The following FASTKD2 variants were observed in gnomAD, a reference collection of about 807,000 sequenced individuals.
FASTKD2 encodes the protein FAST kinase domain-containing protein 2, mitochondrial.
A neutral mutation model predicts 63.6 loss-of-function variants in FASTKD2; 51 were observed. The ratio of observed to expected loss-of-function variants is 0.80; its 90% CI spans 0.64 to 1.01. The LOEUF (loss-of-function observed/expected upper bound fraction) is 1.01. FASTKD2 is among the 50% of genes least tolerant of loss of function. FASTKD2 has a pLI of 0.00. For missense variants in FASTKD2, 786 were observed against 831.1 expected, an observed-to-expected ratio of 0.95 and a Z score of 0.67; for synonymous variants, 284 against 293.4, an observed-to-expected ratio of 0.97 and a Z score of 0.33.
chr2:206,790,793 A>G (rs908612127), intron 11 of FASTKD2, 107 bp downstream of exon 11: 1 of 771,478 alleles, frequency 1.3e-6, no homozygotes, highest in South Asian at 1.4e-5. Flanking sequence ...AGGAATTGTC[A>G]GCATTATTGG....
Position 206,790,904 on chromosome 2 carries a change from ATGT to A in FASTKD2, c.2013+223_2013+225del, listed in dbSNP as rs34189101. ...ACTGTCATTACTAGAGCTTTTACAA[ATGT>A]TGTTCTGGTCAGCTTTAATCCTTTT... is the stretch of plus-strand genomic sequence containing the variant. On this transcript the variant is annotated intron_variant, in intron 11 of 11. Coordinates refer to ENST00000402774, the MANE Select transcript of FASTKD2 (RefSeq NM_001136193.2). 4,685 of 519,706 alleles carry A rather than the reference ATGT, an allele frequency of 9.0e-3. 85 individuals are homozygous for A. The highest frequency in any genetic ancestry group is 0.051 in the African/African-American group (2,631 of 52,068). The allele number at this position is 519,706 out of a possible 1,614,324, so 32.2% of individuals were successfully genotyped here. A position where few individuals can be genotyped will look rare whatever the true frequency, so the allele number is the denominator to read the frequency against.
chr2:206,776,842 G>A (rs1275307527), intron 7 of FASTKD2, among the ~76,000 whole-genome samples: 6 of 151,932 alleles, frequency 3.9e-5, no homozygotes, highest in African/African-American at 2.4e-5. Context: ...AAATGCCATT[G>A]GGATTTTGAT....
chr2:206,781,052 T>C (rs1384159323), intron 7 of FASTKD2, among the ~76,000 whole-genome samples: 2 of 152,160 alleles, frequency 1.3e-5, no homozygotes, highest in Non-Finnish European at 2.9e-5. Flanking sequence ...TATAAGACAA[T>C]TATTTTTAGT....
intron 7 of FASTKD2, among the ~76,000 whole-genome samples, chr2:206,776,030 C>G (rs1689815652): frequency 6.6e-6 from 1 of 151,692 alleles, no homozygotes; most frequent in African/African-American, 2.4e-5. Flanking sequence ...ATTTGTATGT[C>G]TTCTTTGGAG....
At chr2:206,780,873 T>C (rs1183411520) in intron 7 of FASTKD2, among the ~76,000 whole-genome samples, 3 of 152,214 alleles carry the variant, frequency 2.0e-5, no homozygotes, top group East Asian at 1.9e-4. Context: ...TCTCTTTTGC[T>C]TGCTGAAATA....
chr2:206,787,673 A>G (rs1690171200), intron 8 of FASTKD2, among the ~76,000 whole-genome samples: 2 of 152,112 alleles, frequency 1.3e-5, no homozygotes, highest in South Asian at 4.1e-4. Flanking sequence ...TTCCTTATCC[A>G]TAAATTGAGG....
rs772300042 is a variant in FASTKD2, at chr2:206,771,899, AGCC to A, written c.997_999del (p.Ala333del). The A allele has an allele frequency of 6.9e-6, 11 of 1,601,450 alleles. No individual in the cohort carries two copies. Among genetic ancestry groups the A allele is most frequent in the Non-Finnish European group, 9.4e-6 (11 of 1,168,602 alleles). On this transcript the variant is annotated inframe_deletion, in exon 5 of 12. Coordinates refer to ENST00000402774, the MANE Select transcript of FASTKD2 (RefSeq NM_001136193.2). ...AAAATTTGTTTTTTCTTTAGATGAAAGCCTTGAGGGAATTAGACAGATTTTCTG... is the reference window on the plus strand; with the variant it reads ...AAAATTTGTTTTTTCTTTAGATGAAATTGAGGGAATTAGACAGATTTTCTG...
At chr2:206,765,980 A>G (rs1055051146) in intron 1 of FASTKD2, among the ~76,000 whole-genome samples, 9 of 152,052 alleles carry the variant, frequency 5.9e-5, no homozygotes, top group Non-Finnish European at 1.2e-4. Context: ...CGTCATGTTG[A>G]AAATGATCTA....
Position 206,791,742 on chromosome 2 carries a change from T to C in FASTKD2, c.2073T>C (p.Thr691=), listed in dbSNP as rs747164504. ...EMEDAVTFLK[T]KIYSVEALPV... ...AAGATGCAGTCACATTTTTGAAGAC[T>C]AAAATCTATTCAGTAGAAGCTCTTC... is the stretch of plus-strand genomic sequence containing the variant. Residue 691 remains threonine, a synonymous_variant, in exon 12 of 12, where the codon ACT becomes ACC. Coordinates refer to ENST00000402774, the MANE Select transcript of FASTKD2 (RefSeq NM_001136193.2). 6.2e-7 allele frequency: 1 copy of C among 1,612,442 alleles called. No homozygotes were observed. The highest frequency in any genetic ancestry group is 1.1e-5 in the South Asian group (1 of 91,054).
At chr2:206,771,852 G>C (rs1240419506) in intron 4 of FASTKD2, 42 bp from the exon 5 acceptor site, 1 of 1,449,944 alleles carries the variant, frequency 6.9e-7, no homozygotes, top group East Asian at 2.3e-5. Flanking sequence ...AATTTATTTT[G>C]TCACAGATAG....
intron 2 of FASTKD2, among the ~76,000 whole-genome samples, chr2:206,768,546 C>G (rs895826447): frequency 3.3e-5 from 5 of 151,948 alleles, no homozygotes; most frequent in African/African-American, 1.2e-4. Flanking sequence ...ACAAAAAATA[C>G]AAAAATTAGC....
At chr2:206,773,019 A>G (rs954928855) in intron 6 of FASTKD2, among the ~76,000 whole-genome samples, 1 of 152,122 alleles carries the variant, frequency 6.6e-6, no homozygotes, top group African/African-American at 2.4e-5. Flanking sequence ...TTTTCGTTTT[A>G]AAAGGGTTGT....
In FASTKD2 at chr2:206,793,542, T is replaced by G. The variant is rs1690355884; in HGVS notation, c.*1740T>G. ...TAGTTTTGTATACTTGGCCAAGTGA[T>G]TTAACCTTATAAGCTTCAGAACAAG... is the stretch of plus-strand genomic sequence containing the variant. On this transcript the variant is annotated 3_prime_UTR_variant, in exon 12 of 12. Transcript: ENST00000402774. 6.6e-6 allele frequency among the ~76,000 whole-genome samples: 1 copy of G among 152,196 alleles called. No homozygotes were observed. The highest frequency in any genetic ancestry group is 6.5e-5 in the Admixed American group (1 of 15,280).
chr2:206,771,808 G>A, intron 4 of FASTKD2, 86 bp from the exon 5 acceptor site: 3 of 1,119,156 alleles, frequency 2.7e-6, no homozygotes, highest in Non-Finnish European at 3.9e-6. Flanking sequence ...CTGGGTGACA[G>A]CACAAGACCC....
chr2:206,784,288 G>A (rs59285508), intron 7 of FASTKD2, among the ~76,000 whole-genome samples: 4,703 of 152,340 alleles, frequency 0.031, 242 homozygotes, highest in African/African-American at 0.11. Flanking sequence ...TATGGAGGAA[G>A]GAGAAAGGAA....
In FASTKD2 at chr2:206,793,214, C is replaced by CT. The variant is rs201682075; in HGVS notation, c.*1413dup. Among the ~76,000 whole-genome samples the CT allele has an allele frequency of 0.023, 2,153 of 93,322 alleles. 55 individuals carry two copies. The highest frequency in any genetic ancestry group is 0.054 in the Middle Eastern group (5 of 92). 61.2% of individuals were successfully genotyped at this position (93,322 alleles called of 152,430 possible). The stretch of plus-strand genomic sequence containing the variant: ...TCCAGCCTGACCACAGAGCGAGACT[C>CT]TGTCTCAAAAAAAAAAAAAAAAAAA... On this transcript the variant is annotated 3_prime_UTR_variant, in exon 12 of 12. Transcript: ENST00000402774.
intron 7 of FASTKD2, 41 bp downstream of exon 7, chr2:206,774,438 A>G (rs766948201): frequency 2.3e-6 from 3 of 1,300,340 alleles, no homozygotes; most frequent in Non-Finnish European, 3.3e-6. Context: ...TTGCCATATA[A>G]CTTACAAAAA....
rs368668161 is a variant in FASTKD2, at chr2:206,792,679, G to C, written c.*877G>C. On this transcript the variant is annotated 3_prime_UTR_variant, in exon 12 of 12. Coordinates refer to ENST00000402774, the MANE Select transcript of FASTKD2 (RefSeq NM_001136193.2). ...AACTTACAGCATGGGTTCCATGCAA[G>C]TTGGTGTTATTCTGCCCCCAAGCAC... Among the ~76,000 whole-genome samples the C allele has an allele frequency of 6.6e-6, 1 of 152,168 alleles. No individual in the cohort carries two copies. The highest frequency in any genetic ancestry group is 1.5e-5 in the Non-Finnish European group (1 of 68,034).
intron 3 of FASTKD2, among the ~76,000 whole-genome samples, chr2:206,770,529 G>T (rs1329994247): frequency 6.6e-6 from 1 of 152,060 alleles, no homozygotes; most frequent in Admixed American, 6.6e-5. Context: ...GGATCACGAG[G>T]TCGGGAGATC....
Sources: gnomAD v4.1 joint callset for allele counts (sites outside exome capture counted in the v4.1 genomes callset) on GRCh38, gnomAD v4.1.1 for gene constraint, MANE v1.5 for transcripts, NCBI Gene and HGNC (gene_info 2026-07-23, HGNC 2026-07-21) for gene names.